THSD7B: variants seen among roughly 807,000 people sequenced by gnomAD.
THSD7B encodes thrombospondin type 1 domain containing 7B.
A neutral mutation model predicts 213.6 loss-of-function variants in THSD7B; 138 were observed. That is an observed-to-expected ratio of 0.65 (90% CI 0.56 to 0.74). THSD7B has a LOEUF of 0.74. Ranked by LOEUF, THSD7B falls within the 30% of genes least tolerant of loss-of-function variation. The probability of loss-of-function intolerance (pLI) is 0.00; values close to 1 mark genes in which losing one functional copy is unlikely to be tolerated. For synonymous variants in THSD7B, 742 were observed against 687.0 expected, an observed-to-expected ratio of 1.08 and a Z score of -1.25; for missense variants, 1,931 against 1,991.5, an observed-to-expected ratio of 0.97 and a Z score of 0.58.
chr2:137,314,950 T>C (rs373428247), intron 12 of THSD7B, among the ~76,000 whole-genome samples: 15 of 152,196 alleles, frequency 9.9e-5, no homozygotes, highest in South Asian at 2.1e-4. Context: ...GAGGTTACTG[T>C]TGTCTTTTTG....
At chr2:137,111,912 A>T (rs1009121988) in intron 4 of THSD7B, among the ~76,000 whole-genome samples, 19 of 152,120 alleles carry the variant, frequency 1.2e-4, no homozygotes, top group Non-Finnish European at 7.4e-5. Flanking sequence ...ATTCCCTTTT[A>T]ACCAAGAGGG....
At chr2:137,667,663 A>T (rs964923136) in intron 26 of THSD7B, 111 bp from the exon 27 acceptor site, 2 of 792,174 alleles carry the variant, frequency 2.5e-6, no homozygotes, top group Non-Finnish European at 4.1e-6. Context: ...CTGCTGTTCA[A>T]GTACAGAACT....
At chr2:137,092,117 TA>T (rs1314205933) in intron 3 of THSD7B, among the ~76,000 whole-genome samples, 2 of 152,180 alleles carry the variant, frequency 1.3e-5, no homozygotes, top group Admixed American at 1.3e-4. Context: ...AAATAGATTT[TA>T]AAAAAATAAA....
At chr2:137,573,505 T>C (rs959155251) in intron 17 of THSD7B, among the ~76,000 whole-genome samples, 11 of 152,098 alleles carry the variant, frequency 7.2e-5, no homozygotes, top group African/African-American at 2.7e-4. Context: ...TTGTTATTTT[T>C]ATTTGTTGAG....
intron 7 of THSD7B, among the ~76,000 whole-genome samples, chr2:137,187,167 G>A (rs373903516): frequency 1.4e-4 from 22 of 152,232 alleles, no homozygotes; most frequent in Admixed American, 6.5e-4. Flanking sequence ...AAATGTAGCC[G>A]TTGCCAACCC....
chr2:136,877,422 AC>A (rs1397304706), intron 1 of THSD7B, among the ~76,000 whole-genome samples: 2 of 152,168 alleles, frequency 1.3e-5, no homozygotes, highest in Non-Finnish European at 2.9e-5. Context: ...AAATCATCTA[AC>A]AGGCCACTCT....
At chr2:137,528,234 A>G (rs1680315581) in intron 15 of THSD7B, among the ~76,000 whole-genome samples, 1 of 152,088 alleles carries the variant, frequency 6.6e-6, no homozygotes, top group Non-Finnish European at 1.5e-5. Flanking sequence ...TGGAAGTTAC[A>G]TTGCAGATAT....
At position 137,450,945 on chromosome 2, in the gene THSD7B, G is replaced by A. The variant is rs370831661; in HGVS notation, c.3060G>A (p.Val1020=). 4.2e-5 allele frequency: 68 copies of A among 1,613,244 alleles called. No homozygotes were observed. The highest frequency in any genetic ancestry group is 5.5e-5 in the Non-Finnish European group (65 of 1,179,542). ...GSCSSSCGIG[V]RIRSKWLKEK... is the part of the protein sequence containing the mutation. ...GCAGTTCATCTTGTGGAATTGGAGT[G>A]AGAATTCGATCCAAATGGCTAAAAG... The change falls in exon 15 of 28, where the codon GTG becomes GTA. Residue 1020 remains valine, a synonymous_variant. Transcript: ENST00000409968.
intron 12 of THSD7B, among the ~76,000 whole-genome samples, chr2:137,294,870 A>C: frequency 6.6e-6 from 1 of 152,092 alleles, no homozygotes; most frequent in Non-Finnish European, 1.5e-5. Context: ...AGGCACTCAG[A>C]AAATATTAGG....
In THSD7B at chr2:137,642,554, A is replaced by G. The variant is rs1450654876; in HGVS notation, c.3866A>G (p.Glu1289Gly). 6.2e-7 allele frequency: 1 copy of G among 1,613,842 alleles called. No individual in the cohort carries two copies. The highest frequency in any genetic ancestry group is 1.1e-5 in the South Asian group (1 of 91,082). ...GGAGAAGGACGGCCATGCCCCACAG[A>G]GCTTACCCAGGAGAAAACCTGCCCA... ...TQGEGRPCPT[E>G]LTQEKTCPVT... Residue 1289 changes from glutamate to glycine, a missense_variant, in exon 21 of 28, where the codon GAG becomes GGG. Transcript: ENST00000409968.
chr2:136,807,311 A>C (rs1682299604), intron 1 of THSD7B, among the ~76,000 whole-genome samples: 1 of 152,150 alleles, frequency 6.6e-6, no homozygotes, highest in South Asian at 2.1e-4. Context: ...TTATTCAAAT[A>C]TTTATTCATA....
At chr2:137,650,281 G>A (rs1683112929) in intron 21 of THSD7B, among the ~76,000 whole-genome samples, 1 of 151,856 alleles carries the variant, frequency 6.6e-6, no homozygotes, top group Admixed American at 6.6e-5. Context: ...GCTTTTCCTT[G>A]TATAGCTCTT....
intron 12 of THSD7B, among the ~76,000 whole-genome samples, chr2:137,349,548 A>G (rs1300078174): frequency 6.6e-6 from 1 of 151,880 alleles, no homozygotes; most frequent in Non-Finnish European, 1.5e-5. Flanking sequence ...CAATTACCTT[A>G]AAAACTTATG....
At chr2:137,247,856 C>T (rs975276814) in intron 10 of THSD7B, among the ~76,000 whole-genome samples, 1 of 152,124 alleles carries the variant, frequency 6.6e-6, no homozygotes, top group African/African-American at 2.4e-5. Context: ...TCATCTCTGC[C>T]ATACAAATTA....
intron 15 of THSD7B, among the ~76,000 whole-genome samples, chr2:137,467,789 C>T (rs1218011732): frequency 6.6e-6 from 1 of 152,124 alleles, no homozygotes; most frequent in South Asian, 2.1e-4. Flanking sequence ...TTGACACTTA[C>T]ATTTTTGGCA....
At chr2:137,064,608 T>C (rs1447350290) in intron 3 of THSD7B, among the ~76,000 whole-genome samples, 3 of 152,034 alleles carry the variant, frequency 2.0e-5, no homozygotes, top group Non-Finnish European at 4.4e-5. Context: ...CTCAGTGTTT[T>C]TTTGATTCTT....
chr2:137,440,509 A>G (rs1687385882), intron 14 of THSD7B, among the ~76,000 whole-genome samples: 1 of 149,348 alleles, frequency 6.7e-6, no homozygotes, highest in Admixed American at 6.7e-5. Context: ...GCCTTGTTTC[A>G]GTTGGTAAAG....
chr2:137,271,085 G>A (rs558193189), intron 10 of THSD7B, among the ~76,000 whole-genome samples: 5 of 151,640 alleles, frequency 3.3e-5, no homozygotes, highest in African/African-American at 9.7e-5. Flanking sequence ...TTATTTCATT[G>A]TGCTGGCTTT....
At chr2:137,173,991 T>A (rs1266168649) in intron 7 of THSD7B, among the ~76,000 whole-genome samples, 2 of 152,220 alleles carry the variant, frequency 1.3e-5, no homozygotes, top group Admixed American at 6.5e-5. Flanking sequence ...CCATCACTCT[T>A]GGTTTATTAA....
Sources: gnomAD v4.1 joint callset for allele counts (sites outside exome capture counted in the v4.1 genomes callset) on GRCh38, gnomAD v4.1.1 for gene constraint, MANE v1.5 for transcripts, NCBI Gene and HGNC (gene_info 2026-07-23, HGNC 2026-07-21) for gene names.